RAPGEF4: variants seen among roughly 807,000 people sequenced by gnomAD.
RAPGEF4 encodes RAP guanine-nucleotide-exchange factor (GEF) 4.
RAPGEF4 carries 66 observed loss-of-function variants against 147.9 expected under a neutral mutation model. That is an observed-to-expected ratio of 0.45 (90% CI 0.37 to 0.55). The LOEUF (loss-of-function observed/expected upper bound fraction) is 0.55, where lower values mean the gene tolerates loss of function less well. RAPGEF4 is among the 20% of genes least tolerant of loss of function. The probability of loss-of-function intolerance (pLI) is 0.00; values close to 1 mark genes in which losing one functional copy is unlikely to be tolerated. For synonymous variants in RAPGEF4, 419 were observed against 442.7 expected, an observed-to-expected ratio of 0.95 and a Z score of 0.67; for missense variants, 1,071 against 1,257.3, an observed-to-expected ratio of 0.85 and a Z score of 2.24.
chr2:172,737,180 C>T (rs1425713081), intron 1 of RAPGEF4, among the ~76,000 whole-genome samples: 1 of 152,188 alleles, frequency 6.6e-6, no homozygotes, highest in Non-Finnish European at 1.5e-5. Flanking sequence ...TCAATTACCA[C>T]TCAGTAGCAA....
At chr2:172,912,420 A>G (rs927256373) in intron 4 of RAPGEF4, among the ~76,000 whole-genome samples, 5 of 152,198 alleles carry the variant, frequency 3.3e-5, no homozygotes, top group Non-Finnish European at 5.9e-5. Flanking sequence ...TATCTAAAAC[A>G]ATCTGTGAAG....
intron 4 of RAPGEF4, among the ~76,000 whole-genome samples, chr2:172,834,758 A>G (rs534822373): frequency 1.2e-4 from 19 of 152,364 alleles, no homozygotes; most frequent in African/African-American, 4.6e-4. Context: ...GAGAACCTCT[A>G]CAAAAGATTG....
intron 10 of RAPGEF4, among the ~76,000 whole-genome samples, chr2:172,973,872 A>G (rs1014899320): frequency 6.6e-5 from 10 of 152,198 alleles, no homozygotes; most frequent in Non-Finnish European, 1.0e-4. Context: ...GAGTCTTGTA[A>G]ATGAAGTGAA....
intron 4 of RAPGEF4, among the ~76,000 whole-genome samples, chr2:172,873,776 G>A (rs1482860528): frequency 6.6e-6 from 1 of 152,120 alleles, no homozygotes; most frequent in Non-Finnish European, 1.5e-5. Context: ...AGGAATAGGA[G>A]AACATTTTTG....
chr2:172,800,631 AG>A, intron 3 of RAPGEF4, among the ~76,000 whole-genome samples: 1 of 152,316 alleles, frequency 6.6e-6, no homozygotes, highest in Admixed American at 6.5e-5. Flanking sequence ...GGGGGCTGGC[AG>A]GTCTGAAGTC....
intron 4 of RAPGEF4, among the ~76,000 whole-genome samples, chr2:172,900,169 G>T (rs1698922573): frequency 6.6e-6 from 1 of 152,236 alleles, no homozygotes; most frequent in Non-Finnish European, 1.5e-5. Flanking sequence ...CAGAATAAAT[G>T]CAGTAAGAGC....
chr2:172,912,058 C>T (rs1374974195), intron 4 of RAPGEF4, among the ~76,000 whole-genome samples: 1 of 152,206 alleles, frequency 6.6e-6, no homozygotes, highest in Non-Finnish European at 1.5e-5. Flanking sequence ...TGGGCCACCA[C>T]ACCCAGTCTG....
At chr2:172,856,139 T>A (rs565277703) in intron 4 of RAPGEF4, among the ~76,000 whole-genome samples, 1 of 152,308 alleles carries the variant, frequency 6.6e-6, no homozygotes, top group East Asian at 1.9e-4. Flanking sequence ...TAAGGCCTTC[T>A]TCATTAAAAA....
intron 4 of RAPGEF4, among the ~76,000 whole-genome samples, chr2:172,841,221 A>G (rs1167690436): frequency 6.6e-6 from 1 of 152,144 alleles, no homozygotes; most frequent in Non-Finnish European, 1.5e-5. Context: ...GAAGTGAGTG[A>G]GTTCTCGCTC....
Position 172,990,910 on chromosome 2 carries a change from C to CAA in RAPGEF4, c.1476_1477insAA (p.Gln493AsnfsTer9). ...AACAGAGCTTCTAATCAAGGAAACTCACAGCCTCAGCAAAAGTATGTTTGC... is the reference window on the plus strand; with the variant it reads ...AACAGAGCTTCTAATCAAGGAAACTCAAACAGCCTCAGCAAAAGTATGTTTGC... On this transcript the variant is annotated frameshift_variant, in exon 15 of 31. Coordinates refer to ENST00000397081, the MANE Select transcript of RAPGEF4 (RefSeq NM_007023.4). LOFTEE classifies it high-confidence loss of function. 1 of 1,613,102 alleles carries CAA rather than the reference C, an allele frequency of 6.2e-7. No homozygotes were observed.
chr2:172,923,186 T>C (rs1449204221), intron 6 of RAPGEF4, among the ~76,000 whole-genome samples: 1 of 152,242 alleles, frequency 6.6e-6, no homozygotes, highest in African/African-American at 2.4e-5. Context: ...TCTTCCTCTT[T>C]TCATAGTATT....
chr2:172,988,988 T>C (rs1042074800), intron 14 of RAPGEF4, 149 bp downstream of exon 14: 21 of 880,328 alleles, frequency 2.4e-5, no homozygotes, highest in Non-Finnish European at 3.2e-5. Flanking sequence ...CGGTTATATT[T>C]AATGTGTTGG....
intron 6 of RAPGEF4, among the ~76,000 whole-genome samples, chr2:172,935,853 C>A (rs1230512243): frequency 6.6e-6 from 1 of 152,104 alleles, no homozygotes; most frequent in Non-Finnish European, 1.5e-5. Context: ...CTCATTTTTC[C>A]TAGAATATTA....
At position 172,822,498 on chromosome 2, in the gene RAPGEF4, C is replaced by T. The variant is rs578141593; in HGVS notation, c.444+8073C>T. On this transcript the variant is annotated intron_variant, in intron 4 of 30. Coordinates refer to ENST00000397081, the MANE Select transcript of RAPGEF4 (RefSeq NM_007023.4). ...CATTATTGATAACTAAGAGTTCTAC[C>T]TGCTCCCCAAGCAGTGATTTCAGTG... 2.0e-5 allele frequency among the ~76,000 whole-genome samples: 3 copies of T among 152,288 alleles called. No individual in the cohort carries two copies. The South Asian group carries it at 6.2e-4, about 32-fold the overall frequency.
chr2:173,014,003 T>C lies in RAPGEF4; in HGVS notation c.1659-461T>C, dbSNP rs191402710. Among the ~76,000 whole-genome samples, 1,335 of 152,310 alleles carry C rather than the reference T, an allele frequency of 8.8e-3. 61 individuals are homozygous for C. The highest frequency in any genetic ancestry group is 0.079 in the Admixed American group (1,202 of 15,298). On this transcript the variant is annotated intron_variant, in intron 17 of 30. Transcript: ENST00000397081. Reference sequence around the variant, plus strand: ...CAGCCATGGTCCCAGCAGGACTAGATGCCCTGCTGGGCATTCAGTTTTACT... The same window carrying C: ...CAGCCATGGTCCCAGCAGGACTAGACGCCCTGCTGGGCATTCAGTTTTACT...
chr2:173,021,919 A>G (rs978415023), intron 23 of RAPGEF4, among the ~76,000 whole-genome samples: 1 of 152,278 alleles, frequency 6.6e-6, no homozygotes, highest in South Asian at 2.1e-4. Context: ...GCCCATAAGC[A>G]CGCTCACCTT....
intron 6 of RAPGEF4, among the ~76,000 whole-genome samples, chr2:172,933,147 T>A (rs1427050015): frequency 6.6e-6 from 1 of 152,142 alleles, no homozygotes; most frequent in East Asian, 1.9e-4. Context: ...AACAGGAAGC[T>A]GGGGATGGAA....
rs189189858 is a variant in RAPGEF4 at position 172,790,777 on chromosome 2, C to T, written c.66-4248C>T. 7.9e-5 allele frequency among the ~76,000 whole-genome samples: 12 copies of T among 152,284 alleles called. No individual in the cohort carries two copies. The East Asian group carries it at 1.4e-3, about 17-fold the overall frequency. ...TTGTGCTTCATATGCCCTTTATCCA[C>T]GCTCAATGAGAGAGTGGCGTAAGGA... On this transcript the variant is annotated intron_variant, in intron 1 of 30. Coordinates refer to ENST00000397081, the MANE Select transcript of RAPGEF4 (RefSeq NM_007023.4).
chr2:172,782,998 T>A (rs922189210), intron 1 of RAPGEF4, among the ~76,000 whole-genome samples: 13 of 152,222 alleles, frequency 8.5e-5, no homozygotes, highest in African/African-American at 3.1e-4. Context: ...TGGACAAGGC[T>A]GTACTTCGAT....
Sources: gnomAD v4.1 joint callset for allele counts (sites outside exome capture counted in the v4.1 genomes callset) on GRCh38, gnomAD v4.1.1 for gene constraint, MANE v1.5 for transcripts, NCBI Gene and HGNC (gene_info 2026-07-23, HGNC 2026-07-21) for gene names.